Variants in B3GALT1 observed in about 807,000 individuals in gnomAD.
B3GALT1 encodes beta-1,3-galactosyltransferase 1.
In B3GALT1, 10 loss-of-function variants were observed where a neutral mutation model predicts 23.2. That is an observed-to-expected ratio of 0.43 (90% CI 0.27 to 0.73). The LOEUF (loss-of-function observed/expected upper bound fraction) is 0.73. Among genes scored for constraint, B3GALT1 ranks in the 30% least tolerant of loss-of-function variants. The pLI is 0.21. For missense variants in B3GALT1, 299 were observed against 405.4 expected, an observed-to-expected ratio of 0.74 and a Z score of 2.25; for synonymous variants, 156 against 141.5, an observed-to-expected ratio of 1.10 and a Z score of -0.73.
At chr2:167,439,709 T>G (rs917967389) in intron 1 of B3GALT1, among the ~76,000 whole-genome samples, 1 of 152,160 alleles carries the variant, frequency 6.6e-6, no homozygotes, top group Admixed American at 6.5e-5. Context: ...AAATACAAAT[T>G]TTGCTATTGA....
intron 2 of B3GALT1, among the ~76,000 whole-genome samples, chr2:167,526,199 A>G (rs1258592895): frequency 6.6e-6 from 1 of 152,134 alleles, no homozygotes; most frequent in Non-Finnish European, 1.5e-5. Context: ...ACACACACAC[A>G]CACACATATA....
At chr2:167,642,751 T>G (rs190966502) in intron 2 of B3GALT1, among the ~76,000 whole-genome samples, 155 of 152,310 alleles carry the variant, frequency 1.0e-3, no homozygotes, top group African/African-American at 3.4e-3. Flanking sequence ...TTGTGGTGGT[T>G]GTTGTTGATA....
chr2:167,539,969 A>T (rs567626017), intron 2 of B3GALT1, among the ~76,000 whole-genome samples: 20 of 152,322 alleles, frequency 1.3e-4, no homozygotes, highest in African/African-American at 4.3e-4. Flanking sequence ...GAGAAAAGGC[A>T]TACTGAATAT....
chr2:167,813,052 T>C (rs1688924320), intron 3 of B3GALT1, among the ~76,000 whole-genome samples: 1 of 140,528 alleles, frequency 7.1e-6, no homozygotes, highest in Non-Finnish European at 1.5e-5. Flanking sequence ...ATTACTGTAC[T>C]TTATTATCTG....
chr2:167,354,381 T>C lies in B3GALT1; in HGVS notation c.-511+61047T>C, dbSNP rs144334726. Among the ~76,000 whole-genome samples the C allele has an allele frequency of 4.5e-3, 668 of 149,716 alleles. 7 individuals carry two copies. Among genetic ancestry groups the C allele is most frequent in the African/African-American group, 0.016 (637 of 40,256 alleles). On this transcript the variant is annotated intron_variant, in intron 1 of 4. Transcript: ENST00000392690. ...TTTTTTTTTTGAGATGGAGTCTCAC[T>C]CTGTTGCCAGGCTGGAATGCAGTGG... is the stretch of plus-strand genomic sequence containing the variant.
At chr2:167,492,876 G>GGTGT (rs1699730184) in intron 2 of B3GALT1, among the ~76,000 whole-genome samples, 2 of 108,244 alleles carry the variant, frequency 1.8e-5, no homozygotes, top group African/African-American at 4.7e-5. Flanking sequence ...TGTATTTAGA[G>GGTGT]ATGTGTGTGT....
chr2:167,520,479 CA>C (rs1341644696), intron 2 of B3GALT1, among the ~76,000 whole-genome samples: 1 of 152,118 alleles, frequency 6.6e-6, no homozygotes, highest in Non-Finnish European at 1.5e-5. Context: ...TGAAGCATCC[CA>C]GGAGTTTTCT....
intron 2 of B3GALT1, among the ~76,000 whole-genome samples, chr2:167,507,156 G>A (rs1699931498): frequency 3.3e-5 from 5 of 152,158 alleles, no homozygotes; most frequent in Non-Finnish European, 5.9e-5. Flanking sequence ...CACAAGAACA[G>A]AAAGATGAGT....
chr2:167,725,631 T>A (rs531717859), intron 3 of B3GALT1, among the ~76,000 whole-genome samples: 36 of 152,324 alleles, frequency 2.4e-4, no homozygotes, highest in African/African-American at 8.4e-4. Context: ...CACTTCTTTT[T>A]GGACCCTTAA....
chr2:167,446,324 A>G lies in B3GALT1; in HGVS notation c.-510-43853A>G, dbSNP rs189933155. Reference sequence around the variant, plus strand: ...TTTTCCTTCACTTCAACTTTGGTGAATCTGACAATTATGTGTCTTGGAGTT... The same window carrying G: ...TTTTCCTTCACTTCAACTTTGGTGAGTCTGACAATTATGTGTCTTGGAGTT... On this transcript the variant is annotated intron_variant, in intron 1 of 4. Coordinates refer to ENST00000392690, the MANE Select transcript of B3GALT1 (RefSeq NM_020981.4). 1.6e-4 allele frequency among the ~76,000 whole-genome samples: 24 copies of G among 152,240 alleles called. 1 individual carries two copies. In the East Asian group the frequency reaches 4.6e-3, roughly 29 times the overall value.
chr2:167,538,309 C>A (rs1265147203), intron 2 of B3GALT1, among the ~76,000 whole-genome samples: 1 of 152,162 alleles, frequency 6.6e-6, no homozygotes, highest in Non-Finnish European at 1.5e-5. Context: ...TACACACATG[C>A]ATGCATACAA....
chr2:167,845,067 C>T (rs1475448154), intron 4 of B3GALT1, among the ~76,000 whole-genome samples: 1 of 152,112 alleles, frequency 6.6e-6, no homozygotes, highest in Non-Finnish European at 1.5e-5. Flanking sequence ...TCACCCCCAT[C>T]CCCCACAGCA....
At chr2:167,668,211 C>G (rs112470475) in intron 3 of B3GALT1, among the ~76,000 whole-genome samples, 2 of 151,404 alleles carry the variant, frequency 1.3e-5, no homozygotes, top group Non-Finnish European at 2.9e-5. Flanking sequence ...TACCCGACCG[C>G]GTGAGGTGTT....
chr2:167,306,446 G>A (rs1403223002), intron 1 of B3GALT1, among the ~76,000 whole-genome samples: 1 of 151,842 alleles, frequency 6.6e-6, no homozygotes, highest in Non-Finnish European at 1.5e-5. Flanking sequence ...TTATTTTTAT[G>A]TCCAGTTTTC....
intron 3 of B3GALT1, among the ~76,000 whole-genome samples, chr2:167,759,456 C>T (rs1236063449): frequency 6.6e-6 from 1 of 152,184 alleles, no homozygotes; most frequent in African/African-American, 2.4e-5. Flanking sequence ...GCACATAAAT[C>T]ACTTAGCACA....
intron 2 of B3GALT1, among the ~76,000 whole-genome samples, chr2:167,584,844 C>T (rs919936544): frequency 1.5e-4 from 23 of 152,300 alleles, no homozygotes; most frequent in African/African-American, 5.5e-4. Context: ...ACACTACCCT[C>T]CGGGAATCTC....
chr2:167,631,081 T>A (rs1310752081), intron 2 of B3GALT1, among the ~76,000 whole-genome samples: 1 of 151,954 alleles, frequency 6.6e-6, no homozygotes, highest in South Asian at 2.1e-4. Flanking sequence ...TTTACCATAT[T>A]CATATGTTGC....
At chr2:167,829,513 GA>G (rs1444813503) in intron 4 of B3GALT1, among the ~76,000 whole-genome samples, 3 of 149,630 alleles carry the variant, frequency 2.0e-5, no homozygotes, top group Non-Finnish European at 3.0e-5. Context: ...GAAGAAGAAA[GA>G]AAAAAAAATA....
intron 2 of B3GALT1, among the ~76,000 whole-genome samples, chr2:167,595,983 G>C (rs1468962160): frequency 1.3e-5 from 2 of 152,166 alleles, no homozygotes; most frequent in African/African-American, 4.8e-5. Context: ...AAGCTCCTAG[G>C]AGCCTTCCTA....
Sources: allele counts gnomAD v4.1 joint callset (sites outside exome capture counted in the v4.1 genomes callset), GRCh38; gene constraint gnomAD v4.1.1; transcripts MANE v1.5; gene names NCBI Gene and HGNC (gene_info 2026-07-23, HGNC 2026-07-21).